Variants in KYAT3 observed in about 807,000 individuals in gnomAD.
The protein encoded by KYAT3 is kynurenine--oxoglutarate transaminase 3.
A neutral mutation model predicts 59.0 loss-of-function variants in KYAT3; 50 were observed. The observed-to-expected ratio is 0.85, with a 90% CI of 0.68 to 1.07. The LOEUF is 1.07. KYAT3 is among the 50% of genes least tolerant of loss of function. The pLI, the probability that KYAT3 is intolerant of heterozygous loss-of-function variation, is 0.00. For synonymous variants in KYAT3, 148 were observed against 177.0 expected (o/e 0.84, Z 1.30); for missense variants, 497 against 533.3 (o/e 0.93, Z 0.67).
intron 2 of KYAT3, among the ~76,000 whole-genome samples, chr1:88,979,134 G>A (rs750243621): frequency 2.0e-5 from 3 of 152,198 alleles, no homozygotes; most frequent in African/African-American, 4.8e-5. Flanking sequence ...GAAAGGTCAT[G>A]TTACCATGGG....
intron 1 of KYAT3, 131 bp downstream of exon 1, chr1:88,992,454 C>CCCCCGCAGGCGG (rs1335550350): frequency 5.2e-5 from 8 of 152,816 alleles, no homozygotes; most frequent in Non-Finnish European, 1.2e-4. Context: ...CCTGCAGCCA[C>CCCCCGCAGGCGG]CCCCGCAGGC....
intron 11 of KYAT3, among the ~76,000 whole-genome samples, 184 bp from the exon 12 acceptor site, chr1:88,943,607 A>G (rs533972858): frequency 6.6e-6 from 1 of 152,354 alleles, no homozygotes; most frequent in East Asian, 1.9e-4. Context: ...AAGTGAATTC[A>G]CAGAGCTTTA....
chr1:88,946,721 C>A (rs1006101197), intron 11 of KYAT3, among the ~76,000 whole-genome samples: 15 of 152,102 alleles, frequency 9.9e-5, no homozygotes, highest in African/African-American at 3.6e-4. Flanking sequence ...ATAGAAAAAG[C>A]ACTTCCCAAA....
intron 3 of KYAT3, among the ~76,000 whole-genome samples, chr1:88,969,123 G>C (rs542440730): frequency 6.6e-6 from 1 of 152,300 alleles, no homozygotes; most frequent in South Asian, 2.1e-4. Context: ...TTAGAGAACA[G>C]AACTAATAAG....
chr1:88,949,864 G>T (rs766371072), intron 10 of KYAT3, among the ~76,000 whole-genome samples: 1 of 152,164 alleles, frequency 6.6e-6, no homozygotes, highest in Non-Finnish European at 1.5e-5. Context: ...AGCAAACTGG[G>T]CCAAGGAAAA....
At chr1:88,925,933 A>G in the KYAT3 span, among the ~76,000 whole-genome samples, 16 of 152,186 alleles carry the variant, frequency 1.1e-4, no homozygotes, top group Admixed American at 3.3e-4. Context: ...CTTTGTTGTC[A>G]GTGTAAATAA....
chr1:88,956,583 T>G (rs1235131720), intron 8 of KYAT3, among the ~76,000 whole-genome samples: 2 of 152,146 alleles, frequency 1.3e-5, no homozygotes, highest in Non-Finnish European at 2.9e-5. Context: ...GTGTGATAAA[T>G]GCTGTAGTAG....
rs563713243 is a variant in KYAT3, at chr1:88,938,223, T to TA, written c.1303-1979dup. On this transcript the variant is annotated intron_variant, in intron 13 of 13. Transcript: ENST00000260508. ...CTTTTAGGTTGAGAGCATTTAAAAA[T>TA]ATTTGTTTTAAAGTAAGTCAGCTTC... is the stretch of plus-strand genomic sequence containing the variant. Among the ~76,000 whole-genome samples the TA allele has an allele frequency of 1.1e-4, 16 of 152,310 alleles. No homozygotes were observed. In the East Asian group the frequency reaches 2.9e-3, roughly 28 times the overall value.
At chr1:88,970,783 C>T (rs1053166757) in intron 2 of KYAT3, among the ~76,000 whole-genome samples, 1 of 152,134 alleles carries the variant, frequency 6.6e-6, no homozygotes, top group Non-Finnish European at 1.5e-5. Context: ...AAATGATTGA[C>T]AGCATTTTTG....
intron 13 of KYAT3, among the ~76,000 whole-genome samples, chr1:88,938,798 T>C (rs1181988628): frequency 1.3e-5 from 2 of 152,202 alleles, no homozygotes; most frequent in Non-Finnish European, 2.9e-5. Flanking sequence ...TGATGGGCAT[T>C]TAGGTTGATC....
At chr1:88,938,355 T>C (rs1317331922) in intron 13 of KYAT3, among the ~76,000 whole-genome samples, 1 of 152,210 alleles carries the variant, frequency 6.6e-6, no homozygotes, top group Non-Finnish European at 1.5e-5. Context: ...TAAAATTGTA[T>C]ATTTTTTATT....
At chr1:88,981,133 G>A (rs2101078367) in intron 2 of KYAT3, 1 of 152,236 alleles carries the variant, frequency 6.6e-6, no homozygotes, top group Non-Finnish European at 1.5e-5. Flanking sequence ...AAACAATACA[G>A]CAAAAGAAAG....
In KYAT3 at chr1:88,943,416, G is replaced by C. The variant is rs756209683; in HGVS notation, c.1149C>G (p.Asp383Glu). The C allele has an allele frequency of 5.8e-6, 9 of 1,556,842 alleles. No homozygotes were observed. The East Asian group carries it at 1.1e-4, about 20-fold the overall frequency. Reference sequence around the variant, plus strand: ...GCTCATTATTCTTCATATCAGAGAGGTCTGGATCTAAAACCACAATGAAAA... The same window carrying C: ...GCTCATTATTCTTCATATCAGAGAGCTCTGGATCTAAAACCACAATGAAAA... ...IIADVSLLDP[D>E]LSDMKNNEPY... The change falls in exon 12 of 14, where the codon GAC (aspartate) becomes GAG (glutamate). Residue 383 changes from aspartate to glutamate, a missense_variant. By Grantham distance (45) the Asp-to-Glu change is conservative. Around this residue, in one of 2 missense-constraint regions of KYAT3, gnomAD observed 469 missense variants for 479.1 expected, o/e 0.98. Coordinates refer to ENST00000260508, the MANE Select transcript of KYAT3 (RefSeq NM_001008661.3).
At chr1:88,956,652 A>G (rs1027831697) in intron 8 of KYAT3, among the ~76,000 whole-genome samples, 1 of 152,214 alleles carries the variant, frequency 6.6e-6, no homozygotes, top group Non-Finnish European at 1.5e-5. Context: ...TTCTGCAGCC[A>G]GTAATTCTTA....
chr1:88,955,364 T>G, intron 8 of KYAT3, 139 bp from the exon 9 acceptor site: 3 of 548,298 alleles, frequency 5.5e-6, no homozygotes, highest in Non-Finnish European at 6.3e-6. Context: ...TTTCTAGTTT[T>G]TTTTTTAGAT....
chr1:88,942,956 T>C, intron 13 of KYAT3, 49 bp downstream of exon 13: 4 of 1,258,398 alleles, frequency 3.2e-6, no homozygotes, highest in African/African-American at 1.5e-5. Context: ...ACTTTAAAAA[T>C]TGAAATGAAG....
intron 2 of KYAT3, among the ~76,000 whole-genome samples, chr1:88,984,288 C>G (rs1677313782): frequency 7.4e-6 from 1 of 134,648 alleles, no homozygotes; most frequent in Non-Finnish European, 1.5e-5. Context: ...AATCTTGGCT[C>G]ACTGCAACCT....
intron 13 of KYAT3, among the ~76,000 whole-genome samples, chr1:88,941,686 C>T (rs1675241700): frequency 6.6e-6 from 1 of 152,136 alleles, no homozygotes; most frequent in Non-Finnish European, 1.5e-5. Context: ...GTACCTCAGG[C>T]ATGTGCCAGC....
At chr1:88,985,473 CACAT>C (rs1388994254) in intron 2 of KYAT3, among the ~76,000 whole-genome samples, 1 of 152,232 alleles carries the variant, frequency 6.6e-6, no homozygotes, top group Non-Finnish European at 1.5e-5. Flanking sequence ...ATCCCTCACA[CACAT>C]GCCATGTTCT....
Sources: allele counts gnomAD v4.1 joint callset (sites outside exome capture counted in the v4.1 genomes callset), GRCh38; gene constraint gnomAD v4.1.1; regional missense constraint gnomAD v4.1.1; transcripts MANE v1.5; gene names NCBI Gene and HGNC (gene_info 2026-07-23, HGNC 2026-07-21).